IRAG1: variants seen among roughly 807,000 people sequenced by gnomAD.
IRAG1 encodes inositol 1,4,5-triphosphate receptor associated 1.
In IRAG1, 62 loss-of-function variants were observed where a neutral mutation model predicts 106.2. The ratio of observed to expected loss-of-function variants is 0.58; its 90% CI spans 0.48 to 0.72. The LOEUF (loss-of-function observed/expected upper bound fraction) is 0.72, where lower values mean the gene tolerates loss of function less well. Among genes scored for constraint, IRAG1 ranks in the 30% least tolerant of loss-of-function variants. The pLI, the probability that IRAG1 is intolerant of heterozygous loss-of-function variation, is 0.00. For synonymous variants in IRAG1, 462 were observed against 443.9 expected, an observed-to-expected ratio of 1.04 and a Z score of -0.51; for missense variants, 1,064 against 1,140.7, an observed-to-expected ratio of 0.93 and a Z score of 0.97.
rs375418019 is a variant in IRAG1, at chr11:10,601,013, T to G, written c.1922A>C (p.Glu641Ala). 6 of 1,613,962 alleles carry G rather than the reference T, an allele frequency of 3.7e-6. No homozygotes were observed. The African/African-American group carries it at 6.7e-5, about 18-fold the overall frequency. Residue 641 changes from glutamate to alanine, a missense_variant, in exon 15 of 21, where the codon GAG becomes GCG. Glu to Ala is a moderately radical substitution (Grantham distance 107). Transcript: ENST00000423302. ...KATEVMMQYV[E>A]NLKRTYEKDH... ...CTTCTCATACGTCCTCTTTAGATTC[T>G]CCACATACTGCATCATCACTTCCGT... is the stretch of plus-strand genomic sequence containing the variant.
At chr11:10,635,384 C>T (rs1857073797) in intron 2 of IRAG1, among the ~76,000 whole-genome samples, 1 of 152,218 alleles carries the variant, frequency 6.6e-6, no homozygotes, top group Admixed American at 6.5e-5. Context: ...GCTGCCACCT[C>T]CACTATTGGT....
At position 10,581,923 on chromosome 11, in the gene IRAG1, C is replaced by T. The variant is rs372063743; in HGVS notation, c.2304G>A (p.Leu768=). The T allele has an allele frequency of 7.8e-5, 126 of 1,613,816 alleles. No homozygotes were observed. The highest frequency in any genetic ancestry group is 1.0e-4 in the Non-Finnish European group (120 of 1,179,824). Residue 768 remains leucine, a synonymous_variant, in exon 19 of 21, where the codon CTG becomes CTA. Coordinates refer to ENST00000423302, the MANE Select transcript of IRAG1 (RefSeq NM_130385.4). ...CCTTGGTCTCCTGACTAAGCTCCTC[C>T]AGGCAGCTCAGGGTCAGCGCAGGAG... ...ASAPALTLSC[L]EELSQETKAR...
In IRAG1 at chr11:10,600,917, C is replaced by G; in HGVS notation, c.2017+1G>C. 6.2e-7 allele frequency: 1 copy of G among 1,614,030 alleles called. No homozygotes were observed. ...GATGGGGCAGGAGCCTAGGTCCTTACCAGAGGGGCCACAGCTGCGGCTTGA... is the reference window on the plus strand; with the variant it reads ...GATGGGGCAGGAGCCTAGGTCCTTAGCAGAGGGGCCACAGCTGCGGCTTGA... On this transcript the variant is annotated splice_donor_variant, in intron 15 of 20. Transcript: ENST00000423302. LOFTEE classifies it high-confidence loss of function.
chr11:10,673,073 A>G (rs1169475785), intron 1 of IRAG1, among the ~76,000 whole-genome samples: 1 of 152,314 alleles, frequency 6.6e-6, no homozygotes, highest in Non-Finnish European at 1.5e-5. Flanking sequence ...ACTTGAGGTC[A>G]GGAGTTTGAG....
At chr11:10,642,408 C>A (rs1368570116) in intron 2 of IRAG1, among the ~76,000 whole-genome samples, 1 of 152,228 alleles carries the variant, frequency 6.6e-6, no homozygotes, top group Non-Finnish European at 1.5e-5. Context: ...CCCAGAGTCA[C>A]ATGGCTAGGC....
intron 1 of IRAG1, among the ~76,000 whole-genome samples, chr11:10,677,196 T>C (rs1449394625): frequency 6.6e-6 from 1 of 152,178 alleles, no homozygotes; most frequent in African/African-American, 2.4e-5. Context: ...CTCCCAACCC[T>C]GTACTTTTCC....
intron 5 of IRAG1, 33 bp downstream of exon 5, chr11:10,629,505 C>T (rs766096247): frequency 1.3e-6 from 2 of 1,599,766 alleles, no homozygotes; most frequent in Non-Finnish European, 1.7e-6. Flanking sequence ...TAGAGGGGCT[C>T]AGGGCAGCCA....
intron 1 of IRAG1, among the ~76,000 whole-genome samples, chr11:10,663,639 T>C (rs1172140229): frequency 6.6e-6 from 1 of 152,222 alleles, no homozygotes; most frequent in East Asian, 1.9e-4. Flanking sequence ...TATCCCAATC[T>C]GCCAAGCAGT....
At chr11:10,656,642 A>C (rs1858949658) in intron 1 of IRAG1, among the ~76,000 whole-genome samples, 3 of 152,130 alleles carry the variant, frequency 2.0e-5, no homozygotes, top group Non-Finnish European at 4.4e-5. Context: ...TTCAAGTGCT[A>C]TTTTCTTTAA....
intron 1 of IRAG1, 44 bp from the exon 2 acceptor site, chr11:10,652,226 T>C: frequency 2.5e-6 from 4 of 1,602,198 alleles, no homozygotes; most frequent in African/African-American, 2.7e-5. Flanking sequence ...TTCCCATCCC[T>C]GTCCCAAGCT....
intron 3 of IRAG1, 78 bp downstream of exon 3, chr11:10,633,890 T>A: frequency 1.3e-6 from 1 of 757,762 alleles, no homozygotes; most frequent in Non-Finnish European, 2.0e-6. Context: ...AGAAAAGATT[T>A]ATTTAAAAAT....
chr11:10,656,148 GC>G (rs1416876748), intron 1 of IRAG1, among the ~76,000 whole-genome samples: 1 of 152,250 alleles, frequency 6.6e-6, no homozygotes, highest in East Asian at 1.9e-4. Context: ...TCCAGGAAGT[GC>G]TGATCTAGAG....
At chr11:10,593,441 G>A (rs55676441) in intron 17 of IRAG1, 51 bp downstream of exon 17, 1 of 1,527,390 alleles carries the variant, frequency 6.5e-7, no homozygotes, top group Non-Finnish European at 9.1e-7. Flanking sequence ...GAGTACGAAG[G>A]AAAGGTTATT....
intron 16 of IRAG1, 50 bp from the exon 17 acceptor site, chr11:10,593,649 C>T (rs375586243): frequency 2.4e-5 from 33 of 1,383,900 alleles, no homozygotes; most frequent in African/African-American, 1.7e-4. Context: ...TAGCAATAGC[C>T]ATAGTTCAGA....
chr11:10,613,524 CTA>C, intron 10 of IRAG1, among the ~76,000 whole-genome samples: 1 of 152,266 alleles, frequency 6.6e-6, no homozygotes, highest in East Asian at 1.9e-4. Flanking sequence ...CAAAATCCAG[CTA>C]AACAAGACAT....
At chr11:10,676,448 A>G (rs1483106294) in intron 1 of IRAG1, among the ~76,000 whole-genome samples, 1 of 152,154 alleles carries the variant, frequency 6.6e-6, no homozygotes, top group African/African-American at 2.4e-5. Flanking sequence ...CCACTGTGGG[A>G]TTGGAGCTAT....
At chr11:10,579,361 A>G (rs1463772084) in intron 20 of IRAG1, among the ~76,000 whole-genome samples, 1 of 152,198 alleles carries the variant, frequency 6.6e-6, no homozygotes, top group East Asian at 1.9e-4. Flanking sequence ...GCACAGATAC[A>G]TACCCAGATT....
intron 10 of IRAG1, among the ~76,000 whole-genome samples, chr11:10,614,979 A>G (rs1039665723): frequency 3.9e-5 from 6 of 152,238 alleles, no homozygotes; most frequent in Admixed American, 1.3e-4. Context: ...AAAAGAAACT[A>G]CCATCAGAGT....
chr11:10,612,139 G>C (rs553410313), intron 10 of IRAG1, among the ~76,000 whole-genome samples: 1 of 152,326 alleles, frequency 6.6e-6, no homozygotes, highest in South Asian at 2.1e-4. Context: ...CTGAAAAACA[G>C]TGGCTAAACT....
Sources: allele counts gnomAD v4.1 joint callset (sites outside exome capture counted in the v4.1 genomes callset), GRCh38; gene constraint gnomAD v4.1.1; transcripts MANE v1.5; gene names NCBI Gene and HGNC (gene_info 2026-07-23, HGNC 2026-07-21).